The following BMPR1A variants were observed in gnomAD, a reference collection of about 807,000 sequenced individuals.
BMPR1A encodes the protein bone morphogenetic protein receptor type-1A.
In BMPR1A, 7 loss-of-function variants were observed where a neutral mutation model predicts 66.0. The ratio of observed to expected loss-of-function variants is 0.11; its 90% confidence interval spans 0.06 to 0.20. BMPR1A has a LOEUF of 0.20. BMPR1A is among the 10% of genes least tolerant of loss of function. BMPR1A has a pLI of 1.00. For synonymous variants in BMPR1A, 200 were observed against 229.7 expected, an observed-to-expected ratio of 0.87 and a Z score of 1.17; for missense variants, 408 against 669.1, an observed-to-expected ratio of 0.61 and a Z score of 4.31.
At chr10:86,874,687 G>A (rs372359714) in intron 2 of BMPR1A, among the ~76,000 whole-genome samples, 6 of 146,416 alleles carry the variant, frequency 4.1e-5, no homozygotes, top group Non-Finnish European at 9.0e-5. Context: ...GATTACAGGC[G>A]TGAGTCACTG....
chr10:86,932,248 G>T (rs1216510322), downstream of BMPR1A: 1 of 152,184 alleles, frequency 6.6e-6, no homozygotes, highest in African/African-American at 2.4e-5. Flanking sequence ...ATACTTCAGG[G>T]ATGTTCTATT....
intron 3 of BMPR1A, among the ~76,000 whole-genome samples, chr10:86,883,331 A>G (rs1564712606): frequency 6.6e-6 from 1 of 151,906 alleles, no homozygotes; most frequent in Non-Finnish European, 1.5e-5. Flanking sequence ...TGGGCGGATC[A>G]TGAGGTCAGG....
intron 7 of BMPR1A, among the ~76,000 whole-genome samples, chr10:86,902,700 C>T (rs1015890753): frequency 2.0e-5 from 3 of 152,186 alleles, no homozygotes; most frequent in Non-Finnish European, 4.4e-5. Context: ...AAACCAGAAA[C>T]AAGTGAGGTG....
chr10:86,853,931 T>G (rs747339398), intron 2 of BMPR1A, among the ~76,000 whole-genome samples: 11 of 152,168 alleles, frequency 7.2e-5, no homozygotes, highest in Admixed American at 5.2e-4. Context: ...GAGACAGGGT[T>G]TGAGAGCAAC....
At chr10:86,758,652 C>T (rs566955493) in intron 1 of BMPR1A, among the ~76,000 whole-genome samples, 2 of 152,330 alleles carry the variant, frequency 1.3e-5, no homozygotes, top group African/African-American at 4.8e-5. Context: ...CGAACTAGCG[C>T]AACATTGAAA....
chr10:86,780,713 G>A lies in BMPR1A; in HGVS notation c.-268+23794G>A, dbSNP rs113789214. Among the ~76,000 whole-genome samples, 284 of 152,188 alleles carry A rather than the reference G, an allele frequency of 1.9e-3. 1 individual carries two copies. Among genetic ancestry groups the A allele is most frequent in the African/African-American group, 6.5e-3 (269 of 41,524 alleles). On this transcript the variant is annotated intron_variant, in intron 1 of 12. Transcript: ENST00000372037. ...CTCCCAAAGTGCTGGGATTACAGGC[G>A]TGAGCGTGAGCCACCACGCCTGGCT...
intron 1 of BMPR1A, among the ~76,000 whole-genome samples, chr10:86,827,809 G>A (rs1203627253): frequency 1.3e-5 from 2 of 152,096 alleles, no homozygotes; most frequent in African/African-American, 4.8e-5. Flanking sequence ...TTCCTAGGTT[G>A]ACTCATTCAG....
At chr10:86,918,424 A>G (rs866511930) in intron 9 of BMPR1A, among the ~76,000 whole-genome samples, 1 of 152,186 alleles carries the variant, frequency 6.6e-6, no homozygotes, top group African/African-American at 2.4e-5. Context: ...CTGAAAAGGC[A>G]GCTGTGATGA....
chr10:86,909,539 T>G (rs1215747215), intron 7 of BMPR1A, among the ~76,000 whole-genome samples: 1 of 148,890 alleles, frequency 6.7e-6, no homozygotes, highest in Non-Finnish European at 1.5e-5. Context: ...TGAGCTGAGA[T>G]CACACCACTG....
intron 5 of BMPR1A, among the ~76,000 whole-genome samples, chr10:86,898,457 G>C (rs1843260752): frequency 6.6e-6 from 1 of 152,054 alleles, no homozygotes; most frequent in Non-Finnish European, 1.5e-5. Context: ...AACTCATAAG[G>C]AATACAAACG....
intron 4 of BMPR1A, among the ~76,000 whole-genome samples, chr10:86,891,230 A>G (rs968197425): frequency 6.6e-6 from 1 of 152,214 alleles, no homozygotes; most frequent in Non-Finnish European, 1.5e-5. Flanking sequence ...AGAGTTTGCC[A>G]GCAGGGAACT....
At chr10:86,827,202 G>C (rs1472541051) in intron 1 of BMPR1A, among the ~76,000 whole-genome samples, 1 of 151,636 alleles carries the variant, frequency 6.6e-6, no homozygotes, top group Non-Finnish European at 1.5e-5. Context: ...TACCACATTT[G>C]TGTTGTCCCT....
intron 1 of BMPR1A, among the ~76,000 whole-genome samples, chr10:86,762,311 G>A (rs1184507333): frequency 6.6e-6 from 1 of 152,164 alleles, no homozygotes; most frequent in Non-Finnish European, 1.5e-5. Flanking sequence ...ACCTCGTATC[G>A]AGAACTCCTT....
At chr10:86,778,111 A>G (rs1841381719) in intron 1 of BMPR1A, among the ~76,000 whole-genome samples, 1 of 152,100 alleles carries the variant, frequency 6.6e-6, no homozygotes, top group African/African-American at 2.4e-5. Context: ...GTTTTGATAC[A>G]TATAATGCAT....
downstream of BMPR1A, chr10:86,931,298 C>CACACATATATATATATATATATATATAT: frequency 6.6e-5 from 6 of 90,898 alleles, no homozygotes; most frequent in Admixed American, 2.3e-4. Context: ...CACACACACA[C>CACACATATATATATATATATATATATAT]ATATATATAT....
At chr10:86,792,122 C>T (rs113797541) in intron 1 of BMPR1A, among the ~76,000 whole-genome samples, 10,396 of 126,358 alleles carry the variant, frequency 0.082, 447 homozygotes, top group African/African-American at 0.083. Flanking sequence ...GGCTGGAGTG[C>T]TGTGGCATGA....
intron 7 of BMPR1A, among the ~76,000 whole-genome samples, chr10:86,904,283 T>G (rs774203062): frequency 4.6e-5 from 7 of 152,128 alleles, no homozygotes; most frequent in Non-Finnish European, 8.8e-5. Context: ...TGAAGAAAAC[T>G]ACATTAAGGC....
At chr10:86,861,072 ACC>A (rs1198132352) in intron 2 of BMPR1A, among the ~76,000 whole-genome samples, 3 of 152,050 alleles carry the variant, frequency 2.0e-5, no homozygotes, top group African/African-American at 7.2e-5. Flanking sequence ...CAATCTCCTG[ACC>A]TTGTGATCCG....
chr10:86,897,923 T>C (rs539956992), intron 5 of BMPR1A, among the ~76,000 whole-genome samples: 6 of 152,276 alleles, frequency 3.9e-5, no homozygotes, highest in Non-Finnish European at 8.8e-5. Flanking sequence ...TTTTAACCTG[T>C]ATTTTTTAGC....
Sources: allele counts gnomAD v4.1 joint callset (sites outside exome capture counted in the v4.1 genomes callset), GRCh38; gene constraint gnomAD v4.1.1; transcripts MANE v1.5; gene names NCBI Gene and HGNC (gene_info 2026-07-23, HGNC 2026-07-21).